The following COL25A1 variants were observed in gnomAD, a reference collection of about 807,000 sequenced individuals.
The protein encoded by COL25A1 is collagen type XXV alpha 1 chain.
In COL25A1, 103 loss-of-function variants were observed where a neutral mutation model predicts 128.4. The ratio of observed to expected loss-of-function variants is 0.80; its 90% CI spans 0.68 to 0.94. The LOEUF (loss-of-function observed/expected upper bound fraction) is 0.94. Ranked by LOEUF, COL25A1 falls within the 40% of genes least tolerant of loss-of-function variation. The probability of loss-of-function intolerance (pLI) is 0.00; values close to 1 mark genes in which losing one functional copy is unlikely to be tolerated. For synonymous variants in COL25A1, 279 were observed against 277.2 expected (o/e 1.01, Z -0.06); for missense variants, 745 against 840.0 (o/e 0.89, Z 1.40).
chr4:109,231,098 G>A (rs1779136676), intron 3 of COL25A1, among the ~76,000 whole-genome samples: 1 of 151,930 alleles, frequency 6.6e-6, no homozygotes, highest in Non-Finnish European at 1.5e-5. Flanking sequence ...GAGATAGAGT[G>A]CCACTGCACT....
At chr4:108,900,319 G>C (rs1742683773) in intron 14 of COL25A1, among the ~76,000 whole-genome samples, 1 of 152,192 alleles carries the variant, frequency 6.6e-6, no homozygotes, top group Non-Finnish European at 1.5e-5. Flanking sequence ...TTCCTCTCCT[G>C]CAGGACAAAG....
intron 5 of COL25A1, among the ~76,000 whole-genome samples, chr4:109,033,058 G>A (rs1759016450): frequency 6.6e-6 from 1 of 152,236 alleles, no homozygotes. Context: ...AAGCCAGTAT[G>A]AACCTTCAGA....
At chr4:109,067,438 A>G (rs1298525968) in intron 3 of COL25A1, among the ~76,000 whole-genome samples, 1 of 152,232 alleles carries the variant, frequency 6.6e-6, no homozygotes, top group Admixed American at 6.5e-5. Flanking sequence ...GGAAAAAAAA[A>G]ATTGAAAATA....
chr4:108,920,606 TA>T lies in COL25A1; in HGVS notation c.709-3del. On this transcript the variant is annotated splice_region_variant and splice_polypyrimidine_tract_variant and intron_variant, in intron 11 of 37. Transcript: ENST00000399132. ...TTGTCCCGGAGGCCCTAGAGGACCCTAAAAAAGAAAAACGATTCAATTAACA... is the reference window on the plus strand; with the variant it reads ...TTGTCCCGGAGGCCCTAGAGGACCCTAAAAAGAAAAACGATTCAATTAACA... 1 of 1,600,970 alleles carries T rather than the reference TA, an allele frequency of 6.2e-7. No individual in the cohort carries two copies.
chr4:109,052,153 G>A (rs1420494619), intron 3 of COL25A1, among the ~76,000 whole-genome samples: 3 of 152,056 alleles, frequency 2.0e-5, no homozygotes, highest in Non-Finnish European at 2.9e-5. Flanking sequence ...ACAATAGATT[G>A]CACAAATGTT....
At chr4:109,022,639 C>G (rs531133524) in intron 5 of COL25A1, among the ~76,000 whole-genome samples, 79 of 152,122 alleles carry the variant, frequency 5.2e-4, no homozygotes, top group Non-Finnish European at 9.3e-4. Flanking sequence ...ATATGAAGGT[C>G]TGTGGTGAGG....
In COL25A1 at chr4:109,024,131, T is replaced by C. The variant is rs574568438; in HGVS notation, c.421-13756A>G. On this transcript the variant is annotated intron_variant, in intron 5 of 37. Transcript: ENST00000399132. Reference sequence around the variant, plus strand: ...TTTGTGTTAGATGATTTTGTCCTACTGTAGGCTAATGTAAGTGTTCTGAGA... The same window carrying C: ...TTTGTGTTAGATGATTTTGTCCTACCGTAGGCTAATGTAAGTGTTCTGAGA... 4.6e-5 allele frequency among the ~76,000 whole-genome samples: 7 copies of C among 152,216 alleles called. No individual in the cohort carries two copies. In the South Asian group the frequency reaches 1.2e-3, roughly 27 times the overall value.
intron 8 of COL25A1, among the ~76,000 whole-genome samples, chr4:108,966,598 C>G (rs1359270415): frequency 6.6e-6 from 1 of 152,098 alleles, no homozygotes; most frequent in African/African-American, 2.4e-5. Context: ...CCTGTAATCC[C>G]AGCACTCAGG....
chr4:109,300,575 C>T lies in COL25A1; in HGVS notation c.367+8G>A. 1 of 1,594,680 alleles carries T rather than the reference C, an allele frequency of 6.3e-7. No homozygotes were observed. Among genetic ancestry groups the T allele is most frequent in the East Asian group, 2.2e-5 (1 of 44,766 alleles). Reference sequence around the variant, plus strand: ...GGAGGAAACCTTGTTAAATAAGTTCCATTTTACCTGCTGGGCAGTTACATT... The same window carrying T: ...GGAGGAAACCTTGTTAAATAAGTTCTATTTTACCTGCTGGGCAGTTACATT... On this transcript the variant is annotated splice_region_variant and intron_variant, in intron 3 of 37. Coordinates refer to ENST00000399132, the MANE Select transcript of COL25A1 (RefSeq NM_198721.4).
At chr4:109,004,821 T>C (rs1184540637) in intron 6 of COL25A1, among the ~76,000 whole-genome samples, 1 of 152,204 alleles carries the variant, frequency 6.6e-6, no homozygotes, top group Non-Finnish European at 1.5e-5. Flanking sequence ...GAGCCAGTTA[T>C]ATCTCTTCTG....
chr4:109,129,107 T>A (rs1396183407), intron 3 of COL25A1, among the ~76,000 whole-genome samples: 1 of 152,104 alleles, frequency 6.6e-6, no homozygotes, highest in Non-Finnish European at 1.5e-5. Context: ...ATGCTTTTAC[T>A]TAGTTGGACC....
chr4:108,873,461 GTGCA>G (rs1459244655), intron 19 of COL25A1, among the ~76,000 whole-genome samples: 1 of 151,998 alleles, frequency 6.6e-6, no homozygotes, highest in Non-Finnish European at 1.5e-5. Context: ...CTAAGTCAGT[GTGCA>G]ATAAATGCTT....
chr4:108,855,452 ATTTC>A (rs1427265974), intron 24 of COL25A1, among the ~76,000 whole-genome samples: 4 of 151,904 alleles, frequency 2.6e-5, no homozygotes, highest in Non-Finnish European at 4.4e-5. Flanking sequence ...AGTAGAAATA[ATTTC>A]TTTATCATTG....
At chr4:108,850,970 T>G (rs1560746843) in intron 26 of COL25A1, among the ~76,000 whole-genome samples, 1 of 152,038 alleles carries the variant, frequency 6.6e-6, no homozygotes, top group African/African-American at 2.4e-5. Flanking sequence ...CTTTTGAGGT[T>G]TGTGGGAAAT....
At position 108,813,937 on chromosome 4, in the gene COL25A1, A is replaced by G. The variant is rs1475720651; in HGVS notation, c.1963-8T>C. The G allele has an allele frequency of 6.3e-7, 1 of 1,589,610 alleles. No homozygotes were observed. ...GAAAGGTTAGATTCATCACTGCAGA[A>G]AAAGACAACAAAAAGACAAATACAT... is the stretch of plus-strand genomic sequence containing the variant. On this transcript the variant is annotated splice_polypyrimidine_tract_variant and splice_region_variant and intron_variant, in intron 37 of 37. Transcript: ENST00000399132.
chr4:109,106,724 G>A (rs1190879129), intron 3 of COL25A1, among the ~76,000 whole-genome samples: 1 of 149,420 alleles, frequency 6.7e-6, no homozygotes, highest in African/African-American at 2.5e-5. Flanking sequence ...AATCACTTTG[G>A]GACTATATGC....
At chr4:108,948,720 G>A (rs930787510) in intron 8 of COL25A1, among the ~76,000 whole-genome samples, 2 of 152,084 alleles carry the variant, frequency 1.3e-5, no homozygotes, top group South Asian at 2.1e-4. Context: ...ATATGTCGAT[G>A]ATAAGTGTAA....
In COL25A1 at chr4:108,984,279, A is replaced by C. The variant is rs117017463; in HGVS notation, c.439-9720T>G. Among the ~76,000 whole-genome samples the C allele has an allele frequency of 4.9e-3, 745 of 152,326 alleles. 18 individuals carry two copies. The East Asian group carries it at 0.068, about 14-fold the overall frequency. ...TGTATTTACAATCCTTGAGCTAGAC[A>C]CAAAGGTTCTCCACCTACCCACCAG... On this transcript the variant is annotated intron_variant, in intron 6 of 37. Transcript: ENST00000399132.
intron 3 of COL25A1, among the ~76,000 whole-genome samples, chr4:109,198,330 T>A (rs938038355): frequency 2.7e-4 from 24 of 88,282 alleles, no homozygotes; most frequent in Middle Eastern, 0.01. Context: ...ACACACACAC[T>A]GATATGTAGC....
Sources: gnomAD v4.1 joint callset for allele counts (sites outside exome capture counted in the v4.1 genomes callset) on GRCh38, gnomAD v4.1.1 for gene constraint, MANE v1.5 for transcripts, NCBI Gene and HGNC (gene_info 2026-07-23, HGNC 2026-07-21) for gene names.